GCSAML: variants seen among roughly 807,000 people sequenced by gnomAD.
The protein encoded by GCSAML is germinal center-associated signaling and motility-like protein.
In GCSAML, 9 loss-of-function variants were observed where a neutral mutation model predicts 13.0. That is an observed-to-expected ratio of 0.69 (90% CI 0.42 to 1.21). The LOEUF (loss-of-function observed/expected upper bound fraction) is 1.21. Among genes scored for constraint, GCSAML ranks in the 50% most tolerant of loss-of-function variants. The pLI is 0.00. For synonymous variants in GCSAML, 37 were observed against 52.9 expected (o/e 0.70, Z 1.31); for missense variants, 143 against 153.4 (o/e 0.93, Z 0.36).
At chr1:247,510,468 T>C (rs1246206341) in intron 1 of GCSAML, among the ~76,000 whole-genome samples, 10 of 152,176 alleles carry the variant, frequency 6.6e-5, no homozygotes, top group East Asian at 1.9e-4. Flanking sequence ...CCTGGAGTCA[T>C]TGATTTTTTG....
chr1:247,565,954 A>G lies in GCSAML; in HGVS notation c.163A>G (p.Asn55Asp). 6.4e-7 allele frequency: 1 copy of G among 1,552,898 alleles called. No homozygotes were observed. The highest frequency in any genetic ancestry group is 8.6e-7 in the Non-Finnish European group (1 of 1,158,804). ...AGGCCAAGAAGTTTCATCCACTTCT[A>G]ATCAGGTAAGTAGAAAACAAAAAGC... ...KKSQEVSSTS[N>D]QENENGSGSE... The change falls in exon 4 of 5, where the codon AAT becomes GAT. Residue 55 changes from asparagine (N) to aspartate (D), a missense_variant. By Grantham distance (23) the Asn-to-Asp change is conservative. Coordinates refer to ENST00000366488, the MANE Select transcript of GCSAML (RefSeq NM_145278.5).
chr1:247,548,276 C>T (rs768067101), upstream of GCSAML, among the ~76,000 whole-genome samples: 3 of 152,198 alleles, frequency 2.0e-5, no homozygotes, highest in Non-Finnish European at 2.9e-5. The surrounding 1 kb of genome is among the most constrained non-coding windows in gnomAD (Gnocchi z 5.3). Context: ...GATCTCCTGC[C>T]GCTGATATTG....
In GCSAML at chr1:247,514,206, C is replaced by G. The variant is rs1428264281; in HGVS notation, c.-263+6973C>G. Among the ~76,000 whole-genome samples, 6 of 152,146 alleles carry G rather than the reference C, an allele frequency of 3.9e-5. No individual in the cohort carries two copies. In the East Asian group the frequency reaches 1.2e-3, roughly 29 times the overall value. ...ATGTTGCCAAGGATGGCCCGGATCT[C>G]TTGACCTCATGATCTGCCCACCTTG... On this transcript the variant is annotated intron_variant, in intron 1 of 5. Coordinates refer to the GCSAML transcript ENST00000366489.
chr1:247,527,278 G>T lies in GCSAML; in HGVS notation c.-148+224G>T. ...AGTGCTGTCCTCATGGTTCTGGGAGGGTCTGCGTTGTCTGCTATCCCCACA... is the reference window on the plus strand; with the variant it reads ...AGTGCTGTCCTCATGGTTCTGGGAGTGTCTGCGTTGTCTGCTATCCCCACA... On this transcript the variant is annotated intron_variant, in intron 2 of 5. Coordinates refer to the GCSAML transcript ENST00000366489. The surrounding 1 kb of genome is among the most constrained non-coding windows in gnomAD (Gnocchi z 4.6). The T allele has an allele frequency of 3.1e-6, 1 of 321,108 alleles. No individual in the cohort carries two copies. Among genetic ancestry groups the T allele is most frequent in the East Asian group, 8.6e-5 (1 of 11,676 alleles). 19.9% of individuals were successfully genotyped at this position (321,108 alleles called of 1,614,324 possible).
chr1:247,571,400 G>A (rs1668607846), intron 4 of GCSAML, among the ~76,000 whole-genome samples: 1 of 152,260 alleles, frequency 6.6e-6, no homozygotes, highest in East Asian at 1.9e-4. Context: ...GCCTCATGGT[G>A]ACAAAATCCC....
intron 4 of GCSAML, among the ~76,000 whole-genome samples, chr1:247,568,620 C>G (rs558500268): frequency 6.6e-6 from 1 of 152,224 alleles, no homozygotes; most frequent in African/African-American, 2.4e-5. Context: ...ATGCCTCCAG[C>G]TTTGTTCTTT....
intron 1 of GCSAML, among the ~76,000 whole-genome samples, chr1:247,516,954 G>C (rs912910354): frequency 6.6e-6 from 1 of 152,116 alleles, no homozygotes; most frequent in African/African-American, 2.4e-5. Context: ...TTGCTTTCAC[G>C]AAGGAGTGCA....
At chr1:247,549,435 A>T (rs1667692849) in intron 1 of GCSAML, among the ~76,000 whole-genome samples, 1 of 152,176 alleles carries the variant, frequency 6.6e-6, no homozygotes, top group Admixed American at 6.5e-5. Context: ...GAAAACAAAA[A>T]TACTGGATGC....
At chr1:247,532,301 C>G (rs754151325) in intron 2 of GCSAML, 1 of 1,614,084 alleles carries the variant, frequency 6.2e-7, no homozygotes, top group Non-Finnish European at 8.5e-7. Context: ...AAGCTCATGT[C>G]CAGGAAGGGG....
intron 1 of GCSAML, among the ~76,000 whole-genome samples, chr1:247,553,342 T>C (rs1236647736): frequency 6.6e-6 from 1 of 152,160 alleles, no homozygotes; most frequent in Non-Finnish European, 1.5e-5. Flanking sequence ...TGGGTTTACA[T>C]AGTTAATATA....
rs1042478471 is a variant in GCSAML at position 247,563,939 on chromosome 1, AT to A, written c.139+311del. 2.3e-3 allele frequency among the ~76,000 whole-genome samples: 346 copies of A among 147,808 alleles called. 4 individuals are homozygous for A. Among genetic ancestry groups the A allele is most frequent in the African/African-American group, 7.1e-3 (286 of 40,562 alleles). On this transcript the variant is annotated intron_variant, in intron 3 of 4. Transcript: ENST00000366488. ...AATATTAGCAGGCGATAAGAAGTGT[AT>A]TTTTTTTTTTGAGATGGAGTCCCAC...
At chr1:247,522,230 C>T (rs186072663) in intron 1 of GCSAML, among the ~76,000 whole-genome samples, 49,662 of 105,260 alleles carry the variant, frequency 0.47, 11,001 homozygotes, top group Middle Eastern at 0.61. Context: ...CCCAGCCAGC[C>T]GCCCTGTCCG....
At chr1:247,550,508 G>A (rs1317916216) in intron 1 of GCSAML, among the ~76,000 whole-genome samples, 10 of 152,114 alleles carry the variant, frequency 6.6e-5, no homozygotes, top group Non-Finnish European at 7.4e-5. Flanking sequence ...GTGGTGGTGG[G>A]CACCTGTAAT....
chr1:247,516,762 G>A (rs1211712385), intron 1 of GCSAML, among the ~76,000 whole-genome samples: 1 of 152,112 alleles, frequency 6.6e-6, no homozygotes, highest in Non-Finnish European at 1.5e-5. Flanking sequence ...AACTTCTTCA[G>A]CAGCTGAGTC....
At chr1:247,554,586 A>T (rs1045968231) in intron 1 of GCSAML, among the ~76,000 whole-genome samples, 3 of 152,092 alleles carry the variant, frequency 2.0e-5, no homozygotes, top group African/African-American at 7.2e-5. Context: ...ACTTCACTTT[A>T]TCCTTCAAAT....
chr1:247,538,468 G>C (rs1667297147), intron 2 of GCSAML, among the ~76,000 whole-genome samples: 1 of 152,060 alleles, frequency 6.6e-6, no homozygotes, highest in East Asian at 1.9e-4. Context: ...ACTGAATTGT[G>C]CCCTACACCC....
rs535136457 is a variant in GCSAML, at chr1:247,576,880, C to A, written c.*2498C>A. The A allele has an allele frequency of 3.2e-4, 49 of 152,162 alleles. No individual in the cohort carries two copies. Among genetic ancestry groups the A allele is most frequent in the African/African-American group, 1.1e-3 (46 of 41,510 alleles). The allele number at this position is 152,162 out of a possible 1,614,324, so 9.4% of individuals were successfully genotyped here. On this transcript the variant is annotated 3_prime_UTR_variant, in exon 5 of 5. Transcript: ENST00000366488. The stretch of plus-strand genomic sequence containing the variant: ...TTGTAGCTGTTTTATGATATAAATA[C>A]CTTATTTGTAATAAAATTAATTTTA...
At chr1:247,532,492 AC>A (rs1667026241) in intron 2 of GCSAML, 1 of 1,613,806 alleles carries the variant, frequency 6.2e-7, no homozygotes, top group Non-Finnish European at 8.5e-7. Flanking sequence ...TGGAGAACTC[AC>A]ATTGGCTATT....
chr1:247,556,378 T>C, intron 1 of GCSAML, 29 bp from the exon 2 acceptor site: 1 of 1,548,678 alleles, frequency 6.5e-7, no homozygotes, highest in Non-Finnish European at 8.9e-7. Flanking sequence ...AGTAACAATC[T>C]CTCTTTTTTC....
Sources: gnomAD v4.1 joint callset for allele counts (sites outside exome capture counted in the v4.1 genomes callset) on GRCh38, gnomAD v4.1.1 for gene constraint, Gnocchi (gnomAD v3.1) non-coding constraint, MANE v1.5 for transcripts, NCBI Gene and HGNC (gene_info 2026-07-23, HGNC 2026-07-21) for gene names.